The following COL1A2 variants were observed in gnomAD, a reference collection of about 807,000 sequenced individuals.
COL1A2 encodes the protein collagen alpha-2(I) chain.
In COL1A2, 49 loss-of-function variants were observed where a neutral mutation model predicts 174.3. The observed-to-expected ratio is 0.28, with a 90% CI of 0.22 to 0.36. The LOEUF (loss-of-function observed/expected upper bound fraction) is 0.36. Ranked by LOEUF, COL1A2 falls within the 10% of genes least tolerant of loss-of-function variation. COL1A2 has a pLI of 1.00. For missense variants in COL1A2, 1,438 were observed against 1,822.7 expected (o/e 0.79, Z 3.84); for synonymous variants, 655 against 606.6 (o/e 1.08, Z -1.17).
intron 4 of COL1A2, among the ~76,000 whole-genome samples, chr7:94,399,362 A>G (rs1051588676): frequency 6.6e-6 from 1 of 152,216 alleles, no homozygotes; most frequent in Non-Finnish European, 1.5e-5. Flanking sequence ...CAACACATGC[A>G]TAATGGAAAT....
At position 94,421,449 on chromosome 7, in the gene COL1A2, C is replaced by T. The variant is rs147048381; in HGVS notation, c.2349+387C>T. Reference sequence around the variant, plus strand: ...AAAATGAACTTTACTGACTTCTTCTCTCACTGGACAGTGCTGAATTATCTA... The same window carrying T: ...AAAATGAACTTTACTGACTTCTTCTTTCACTGGACAGTGCTGAATTATCTA... On this transcript the variant is annotated intron_variant, in intron 38 of 51. Transcript: ENST00000297268. 118 of 386,726 alleles carry T rather than the reference C, an allele frequency of 3.1e-4. No homozygotes were observed. In the East Asian group the frequency reaches 6.8e-3, roughly 22 times the overall value. The allele number at this position is 386,726 out of a possible 1,614,324, so 24.0% of individuals were successfully genotyped here. A position where few individuals can be genotyped will look rare whatever the true frequency, so the allele number is the denominator to read the frequency against.
chr7:94,414,771 G>A (rs1388220583), intron 29 of COL1A2, among the ~76,000 whole-genome samples: 1 of 152,120 alleles, frequency 6.6e-6, no homozygotes, highest in Admixed American at 6.6e-5. Flanking sequence ...GGTCTCCTTT[G>A]TCAACAGTAG....
In COL1A2 at chr7:94,405,268, T is replaced by C; in HGVS notation, c.486+16T>C. 6.2e-7 allele frequency: 1 copy of C among 1,613,040 alleles called. No homozygotes were observed. Among genetic ancestry groups the C allele is most frequent in the Non-Finnish European group, 8.5e-7 (1 of 1,179,218 alleles). On this transcript the variant is annotated intron_variant, in intron 10 of 51. Coordinates refer to ENST00000297268, the MANE Select transcript of COL1A2 (RefSeq NM_000089.4). ...TGGACCACAGGTGAGACTTTTTACATTGGTAGATAGCACAAACATCATAGG... is the reference window on the plus strand; with the variant it reads ...TGGACCACAGGTGAGACTTTTTACACTGGTAGATAGCACAAACATCATAGG...
chr7:94,404,126 T>C (rs749037484), intron 6 of COL1A2, among the ~76,000 whole-genome samples: 1 of 152,224 alleles, frequency 6.6e-6, no homozygotes, highest in African/African-American at 2.4e-5. Flanking sequence ...TTTATGTCCT[T>C]TGTGGCAATA....
intron 13 of COL1A2, 68 bp downstream of exon 13, chr7:94,407,959 GT>G: frequency 6.9e-7 from 1 of 1,444,388 alleles, no homozygotes; most frequent in Non-Finnish European, 9.7e-7. Flanking sequence ...CTTCTTTAAT[GT>G]TTTTGCTAAT....
chr7:94,426,498 C>A lies in COL1A2; in HGVS notation c.3073C>A (p.His1025Asn). 1 of 1,606,488 alleles carries A rather than the reference C, an allele frequency of 6.2e-7. No homozygotes were observed. The highest frequency in any genetic ancestry group is 2.2e-5 in the East Asian group (1 of 44,682). ...CAGAGGTCTTCCTGGCTTAAAGGGA[C>A]ACAATGGATTGCAAGGTCTGCCTGG... is the stretch of plus-strand genomic sequence containing the variant. ...GPRGLPGLKG[H>N]NGLQGLPGIA... Residue 1025 changes from histidine to asparagine, a missense_variant, in exon 46 of 52, where the codon CAC becomes AAC. By Grantham distance (68) the His-to-Asn change is moderately conservative. Coordinates refer to ENST00000297268, the MANE Select transcript of COL1A2 (RefSeq NM_000089.4).
intron 19 of COL1A2, 92 bp downstream of exon 19, chr7:94,409,913 AT>A: frequency 7.8e-7 from 1 of 1,280,120 alleles, no homozygotes; most frequent in South Asian, 1.2e-5. Context: ...TAGTTTTATT[AT>A]TCCTATTTTT....
chr7:94,428,807 T>G (rs1189668881), intron 50 of COL1A2, among the ~76,000 whole-genome samples: 1 of 152,256 alleles, frequency 6.6e-6, no homozygotes, highest in East Asian at 1.9e-4. Flanking sequence ...TTCTGAATTT[T>G]TAATCAAACC....
intron 49 of COL1A2, among the ~76,000 whole-genome samples, 175 bp from the exon 50 acceptor site, chr7:94,428,118 G>C (rs1792321021): frequency 6.6e-6 from 1 of 152,094 alleles, no homozygotes; most frequent in African/African-American, 2.4e-5. Flanking sequence ...TTTTCATGGA[G>C]GAGGGGAGGG....
Position 94,414,225 on chromosome 7 carries a change from C to T in COL1A2, c.1669C>T (p.Leu557=), listed in dbSNP as rs1053995618. The change falls in exon 29 of 52, where the codon CTG becomes TTG. Residue 557 remains leucine (L), a synonymous_variant. Transcript: ENST00000297268. ...TTGTATTTCTTTTCATTTTTAGGGT[C>T]TGCCTGGCCCCTCAGGTCCCGCTGG... is the stretch of plus-strand genomic sequence containing the variant. The part of the protein sequence containing the change: ...GPPGPPGFQG[L]PGPSGPAGEV... 2.5e-6 allele frequency: 4 copies of T among 1,613,772 alleles called. No homozygotes were observed. The South Asian group carries it at 3.3e-5, about 13-fold the overall frequency.
chr7:94,420,302 G>T lies in COL1A2; in HGVS notation c.2133+16G>T. Reference sequence around the variant, plus strand: ...GGGAAGCCCTGTAAGTAAGAACCTGGGTCATTTTGTATACTCACACCTCAC... The same window carrying T: ...GGGAAGCCCTGTAAGTAAGAACCTGTGTCATTTTGTATACTCACACCTCAC... On this transcript the variant is annotated intron_variant, in intron 35 of 51. Transcript: ENST00000297268. 1 of 1,613,932 alleles carries T rather than the reference G, an allele frequency of 6.2e-7. No individual in the cohort carries two copies. Among genetic ancestry groups the T allele is most frequent in the Non-Finnish European group, 8.5e-7 (1 of 1,179,984 alleles).
At chr7:94,428,509 C>T in intron 50 of COL1A2, 32 bp downstream of exon 50, 3 of 1,582,656 alleles carry the variant, frequency 1.9e-6, no homozygotes, top group Non-Finnish European at 2.6e-6. Flanking sequence ...TCTCCTTCTG[C>T]TAAATAATAT....
intron 16 of COL1A2, among the ~76,000 whole-genome samples, chr7:94,409,073 G>A (rs772383100): frequency 6.6e-6 from 1 of 152,000 alleles, no homozygotes; most frequent in Non-Finnish European, 1.5e-5. Flanking sequence ...TAGTTAGTTA[G>A]GACTGACTGA....
chr7:94,413,611 A>C, intron 26 of COL1A2, 79 bp from the exon 27 acceptor site: 2 of 1,352,398 alleles, frequency 1.5e-6, no homozygotes, highest in South Asian at 1.2e-5. Context: ...GTTTTAAGGA[A>C]GTAATACCTG....
In COL1A2 at chr7:94,429,255, T is replaced by G; in HGVS notation, c.3779T>G (p.Leu1260Arg). 6.2e-7 allele frequency: 1 copy of G among 1,614,040 alleles called. No homozygotes were observed. ...ACCCAACTTGCCTTCATGCGCCTGCTGGCCAACTATGCCTCTCAGAACATC... is the reference window on the plus strand; with the variant it reads ...ACCCAACTTGCCTTCATGCGCCTGCGGGCCAACTATGCCTCTCAGAACATC... ...MATQLAFMRL[L>R]ANYASQNITY... Residue 1260 changes from leucine to arginine, a missense_variant, in exon 51 of 52, where the codon CTG becomes CGG. By Grantham distance (102) the Leu-to-Arg change is moderately radical. Transcript: ENST00000297268.
chr7:94,408,073 T>C, intron 13 of COL1A2, 110 bp from the exon 14 acceptor site: 1 of 1,297,912 alleles, frequency 7.7e-7, no homozygotes, highest in South Asian at 1.3e-5. Context: ...GGCAACTTAT[T>C]TATTTTTAGT....
At chr7:94,422,196 A>G (rs201871419) in intron 39 of COL1A2, among the ~76,000 whole-genome samples, 6 of 13,074 alleles carry the variant, frequency 4.6e-4, no homozygotes. Flanking sequence ...GGTCTTTTTG[A>G]AAAAAAAAAA....
chr7:94,410,675 A>G, intron 21 of COL1A2, 148 bp downstream of exon 21: 1 of 906,160 alleles, frequency 1.1e-6, no homozygotes, highest in Middle Eastern at 3.2e-4. Flanking sequence ...AGTGACTCTC[A>G]ATTTAATATG....
chr7:94,405,092 A>C, intron 9 of COL1A2, 107 bp from the exon 10 acceptor site: 13 of 1,214,948 alleles, frequency 1.1e-5, no homozygotes, highest in Non-Finnish European at 1.4e-5. Flanking sequence ...ATCTGGATCC[A>C]TATTTTTATG....
Sources: allele counts gnomAD v4.1 joint callset (sites outside exome capture counted in the v4.1 genomes callset), GRCh38; gene constraint gnomAD v4.1.1; transcripts MANE v1.5; gene names NCBI Gene and HGNC (gene_info 2026-07-23, HGNC 2026-07-21).